Variants in B3GLCT observed in about 807,000 individuals in gnomAD.
B3GLCT encodes beta-1,3-glucosyltransferase.
A neutral mutation model predicts 63.4 loss-of-function variants in B3GLCT; 65 were observed. The ratio of observed to expected loss-of-function variants is 1.03; its 90% CI spans 0.84 to 1.26. The LOEUF is 1.26. Among genes scored for constraint, B3GLCT ranks in the 50% most tolerant of loss-of-function variants. The pLI is 0.00. For missense variants in B3GLCT, 577 were observed against 604.8 expected (o/e 0.95, Z 0.48); for synonymous variants, 233 against 219.2 (o/e 1.06, Z -0.55).
chr13:31,200,505 G>C (rs903706134), intron 1 of B3GLCT, among the ~76,000 whole-genome samples: 1 of 150,304 alleles, frequency 6.7e-6, no homozygotes, highest in African/African-American at 2.4e-5. Context: ...GAAGCGCGCA[G>C]GAACTGTGCC....
At chr13:31,255,423 A>G (rs993630472) in intron 6 of B3GLCT, among the ~76,000 whole-genome samples, 3 of 152,200 alleles carry the variant, frequency 2.0e-5, no homozygotes, top group African/African-American at 7.2e-5. Flanking sequence ...GCTACCATTG[A>G]CTTTCTTCAC....
intron 1 of B3GLCT, among the ~76,000 whole-genome samples, chr13:31,211,922 T>C (rs1000314481): frequency 2.6e-5 from 4 of 152,232 alleles, no homozygotes; most frequent in Admixed American, 6.5e-5. Context: ...ACATGCACTT[T>C]GTTGTCATAT....
At chr13:31,296,029 T>C (rs778571463) in intron 12 of B3GLCT, among the ~76,000 whole-genome samples, 7 of 152,174 alleles carry the variant, frequency 4.6e-5, no homozygotes, top group Non-Finnish European at 7.4e-5. Context: ...CCATTCCTCA[T>C]AGCACAGTCC....
chr13:31,222,839 A>T, intron 2 of B3GLCT, 113 bp from the exon 3 acceptor site: 1 of 765,160 alleles, frequency 1.3e-6, no homozygotes, highest in Non-Finnish European at 2.3e-6. Context: ...TCCGTTTTTC[A>T]AATCTTCCTC....
In B3GLCT at chr13:31,296,315, A is replaced by C. The variant is rs529948280; in HGVS notation, c.1064+9496A>C. 2.0e-5 allele frequency among the ~76,000 whole-genome samples: 3 copies of C among 152,276 alleles called. No homozygotes were observed. The East Asian group carries it at 5.8e-4, about 29-fold the overall frequency. ...GTTTTGTTTGATAATTATTTCTCAT[A>C]GTTCTGGAGGGCTAGAAGCCTGAGA... On this transcript the variant is annotated intron_variant, in intron 12 of 14. Transcript: ENST00000343307.
intron 4 of B3GLCT, among the ~76,000 whole-genome samples, chr13:31,238,707 T>C (rs200418730): frequency 7.0e-4 from 107 of 152,306 alleles, no homozygotes; most frequent in East Asian, 2.1e-3. Flanking sequence ...CTCAGGAGGC[T>C]GAGGCAGGAG....
chr13:31,217,923 T>A (rs1038654479), intron 2 of B3GLCT, among the ~76,000 whole-genome samples: 5 of 152,234 alleles, frequency 3.3e-5, no homozygotes. Context: ...GCTCTTTTTG[T>A]TTCCAAATGA....
At chr13:31,308,553 A>G (rs1338981332) in intron 12 of B3GLCT, among the ~76,000 whole-genome samples, 2 of 151,932 alleles carry the variant, frequency 1.3e-5, no homozygotes, top group African/African-American at 4.8e-5. Flanking sequence ...TGTCTGGATT[A>G]TGTACACCCA....
chr13:31,237,376 GGA>G (rs1243180133), intron 4 of B3GLCT, among the ~76,000 whole-genome samples: 1 of 122,422 alleles, frequency 8.2e-6, no homozygotes, highest in Non-Finnish European at 1.7e-5. Context: ...TTTTTTAGAT[GGA>G]GTTTTGCTTC....
chr13:31,251,635 C>G (rs931841460), intron 6 of B3GLCT, among the ~76,000 whole-genome samples: 2 of 152,048 alleles, frequency 1.3e-5, no homozygotes, highest in Admixed American at 1.3e-4. Flanking sequence ...AAGATCAACT[C>G]AATGAAATAA....
chr13:31,329,790 A>G lies in B3GLCT; in HGVS notation c.*122A>G. 9.2e-7 allele frequency: 1 copy of G among 1,089,158 alleles called. No individual in the cohort carries two copies. The highest frequency in any genetic ancestry group is 1.4e-6 in the Non-Finnish European group (1 of 731,938). The allele number at this position is 1,089,158 out of a possible 1,614,324, so 67.5% of individuals were successfully genotyped here. On this transcript the variant is annotated 3_prime_UTR_variant, in exon 15 of 15. Coordinates refer to ENST00000343307, the MANE Select transcript of B3GLCT (RefSeq NM_194318.4). ...ATGGCATTGGGTGCTTCCTGACTTTAGGGGGAGATTTTATGTATGGTATTT... is the reference window on the plus strand; with the variant it reads ...ATGGCATTGGGTGCTTCCTGACTTTGGGGGGAGATTTTATGTATGGTATTT...
chr13:31,284,257 A>C (rs974781017), intron 10 of B3GLCT, among the ~76,000 whole-genome samples: 1 of 152,212 alleles, frequency 6.6e-6, no homozygotes, highest in Non-Finnish European at 1.5e-5. Flanking sequence ...GGGTGGGGAC[A>C]TGCATAGTTT....
At position 31,218,314 on chromosome 13, in the gene B3GLCT, C is replaced by T. The variant is rs183998009; in HGVS notation, c.120+3214C>T. 2.3e-3 allele frequency among the ~76,000 whole-genome samples: 342 copies of T among 151,884 alleles called. 1 individual carries two copies. The highest frequency in any genetic ancestry group is 4.0e-3 in the Non-Finnish European group (274 of 67,934). ...AAGCGATTCTCCTGCCTCAGCCTCC[C>T]GAGTAGCTGGGATTATAGGCGCCTG... is the stretch of plus-strand genomic sequence containing the variant. On this transcript the variant is annotated intron_variant, in intron 2 of 14. Coordinates refer to ENST00000343307, the MANE Select transcript of B3GLCT (RefSeq NM_194318.4).
intron 3 of B3GLCT, among the ~76,000 whole-genome samples, chr13:31,224,153 T>C (rs535674776): frequency 1.6e-4 from 25 of 152,248 alleles, no homozygotes; most frequent in African/African-American, 6.0e-4. Flanking sequence ...GGGAGTGTTT[T>C]GGGGTCTGCG....
intron 4 of B3GLCT, among the ~76,000 whole-genome samples, chr13:31,231,296 A>G (rs1870369127): frequency 6.6e-6 from 1 of 152,212 alleles, no homozygotes; most frequent in Non-Finnish European, 1.5e-5. Flanking sequence ...TTTTGTGATC[A>G]GTGATGACAT....
intron 4 of B3GLCT, among the ~76,000 whole-genome samples, chr13:31,243,110 T>C (rs1171100963): frequency 2.0e-5 from 3 of 152,208 alleles, no homozygotes; most frequent in Non-Finnish European, 2.9e-5. Context: ...AAAAGCTCAG[T>C]TCAGTGCCTC....
At chr13:31,259,811 C>A (rs1274174523) in intron 6 of B3GLCT, among the ~76,000 whole-genome samples, 1 of 151,448 alleles carries the variant, frequency 6.6e-6, no homozygotes, top group Admixed American at 6.6e-5. Context: ...TCCTTTCTGC[C>A]TTTGTTGTTT....
intron 12 of B3GLCT, among the ~76,000 whole-genome samples, chr13:31,295,301 C>G (rs57320675): frequency 0.013 from 1,954 of 152,296 alleles, 52 homozygotes; most frequent in African/African-American, 0.045. Context: ...TTCAGGGACC[C>G]ACTTGAGGAG....
At chr13:31,322,327 C>T (rs1385791797) in intron 13 of B3GLCT, among the ~76,000 whole-genome samples, 3 of 152,266 alleles carry the variant, frequency 2.0e-5, no homozygotes, top group Non-Finnish European at 1.5e-5. Flanking sequence ...ATGTTCCCTT[C>T]CTACATCGTC....
Sources: allele counts gnomAD v4.1 joint callset (sites outside exome capture counted in the v4.1 genomes callset), GRCh38; gene constraint gnomAD v4.1.1; transcripts MANE v1.5; gene names NCBI Gene and HGNC (gene_info 2026-07-23, HGNC 2026-07-21).